Variants in NUBPL observed in about 807,000 individuals in gnomAD.
The protein encoded by NUBPL is iron-sulfur cluster transfer protein NUBPL.
In NUBPL, 31 loss-of-function variants were observed where a neutral mutation model predicts 45.7. The observed-to-expected ratio is 0.68, with a 90% CI of 0.51 to 0.92. NUBPL has a LOEUF of 0.92. Among genes scored for constraint, NUBPL ranks in the 40% least tolerant of loss-of-function variants. NUBPL has a pLI of 0.00. For synonymous variants in NUBPL, 144 were observed against 140.9 expected (o/e 1.02, Z -0.15); for missense variants, 401 against 398.7 (o/e 1.01, Z -0.05).
intron 4 of NUBPL, among the ~76,000 whole-genome samples, chr14:31,620,099 G>A (rs897060690): frequency 6.6e-6 from 1 of 151,776 alleles, no homozygotes; most frequent in African/African-American, 2.4e-5. Context: ...GTATATGCTT[G>A]ATGAAGTTCT....
intron 6 of NUBPL, among the ~76,000 whole-genome samples, chr14:31,707,937 A>G (rs1410081607): frequency 1.3e-5 from 2 of 152,238 alleles, no homozygotes; most frequent in African/African-American, 4.8e-5. Flanking sequence ...TTGGGGCAAG[A>G]CTGTCCACAT....
At chr14:31,762,414 A>C (rs552459161) in intron 6 of NUBPL, among the ~76,000 whole-genome samples, 31 of 152,324 alleles carry the variant, frequency 2.0e-4, no homozygotes, top group African/African-American at 7.5e-4. Context: ...GCTTTACTTC[A>C]CTTTGATGGT....
intron 8 of NUBPL, among the ~76,000 whole-genome samples, chr14:31,842,147 T>A (rs2040386710): frequency 6.6e-6 from 1 of 151,676 alleles, no homozygotes; most frequent in Non-Finnish European, 1.5e-5. Flanking sequence ...GCCAGGATGG[T>A]CTTGATCTGA....
intron 7 of NUBPL, among the ~76,000 whole-genome samples, chr14:31,814,675 A>ACACC (rs1443468209): frequency 1.3e-5 from 2 of 152,122 alleles, no homozygotes; most frequent in East Asian, 3.9e-4. Context: ...TTTAGGTCTT[A>ACACC]CACTTAAACC....
chr14:31,771,493 G>A (rs550996590), intron 6 of NUBPL, among the ~76,000 whole-genome samples: 2 of 152,284 alleles, frequency 1.3e-5, no homozygotes, highest in East Asian at 3.9e-4. Context: ...ATGAGGATGT[G>A]TTAGCAGAAC....
intron 3 of NUBPL, among the ~76,000 whole-genome samples, chr14:31,574,562 G>A: frequency 6.7e-6 from 1 of 149,066 alleles, no homozygotes; most frequent in East Asian, 2.0e-4. Flanking sequence ...ACTGCGCCTG[G>A]CCTACTCGAT....
At chr14:31,689,921 C>G (rs1026107361) in intron 6 of NUBPL, among the ~76,000 whole-genome samples, 18 of 64,796 alleles carry the variant, frequency 2.8e-4, no homozygotes, top group African/African-American at 1.1e-3. Context: ...ATAGGGAGTC[C>G]TTTCCCCATT....
chr14:31,690,921 A>G (rs867527665), intron 6 of NUBPL, among the ~76,000 whole-genome samples: 16 of 152,226 alleles, frequency 1.1e-4, no homozygotes, highest in African/African-American at 3.9e-4. Context: ...AAACAAATTG[A>G]CATTAGACAA....
chr14:31,723,139 C>G (rs1325158841), intron 6 of NUBPL, among the ~76,000 whole-genome samples: 1 of 152,094 alleles, frequency 6.6e-6, no homozygotes, highest in Non-Finnish European at 1.5e-5. Context: ...AGGAAGGGGT[C>G]CAGTGTGAAT....
intron 6 of NUBPL, among the ~76,000 whole-genome samples, chr14:31,729,288 C>CG (rs1566527571): frequency 7.5e-6 from 1 of 132,696 alleles, no homozygotes; most frequent in Non-Finnish European, 1.6e-5. Context: ...CCCCCCCCCC[C>CG]AAAAAAAAAG....
At chr14:31,609,708 A>G (rs189141681) in intron 4 of NUBPL, among the ~76,000 whole-genome samples, 3 of 152,362 alleles carry the variant, frequency 2.0e-5, no homozygotes, top group Admixed American at 2.0e-4. Context: ...AAAAATGGAA[A>G]TAATATCAAG....
intron 6 of NUBPL, among the ~76,000 whole-genome samples, chr14:31,734,405 A>G (rs927143210): frequency 6.6e-6 from 1 of 152,226 alleles, no homozygotes; most frequent in Admixed American, 6.5e-5. Context: ...AATCTAACAT[A>G]GAGAACAATC....
At chr14:31,605,893 C>CCTCCCTTCTCCTTCCTTCTCTCCTT (rs1187132425) in intron 4 of NUBPL, among the ~76,000 whole-genome samples, 1 of 147,426 alleles carries the variant, frequency 6.8e-6, no homozygotes, top group African/African-American at 2.5e-5. Context: ...CTCCTTGTCT[C>CCTCCCTTCTCCTTCCTTCTCTCCTT]CTCCCTTCTC....
intron 6 of NUBPL, among the ~76,000 whole-genome samples, chr14:31,743,743 T>C (rs942386965): frequency 3.7e-4 from 56 of 152,144 alleles, no homozygotes; most frequent in African/African-American, 1.2e-3. Context: ...AGGCATTCTT[T>C]TGCATGCATC....
chr14:31,639,733 C>T (rs1306492382), intron 4 of NUBPL, among the ~76,000 whole-genome samples: 1 of 152,194 alleles, frequency 6.6e-6, no homozygotes, highest in Non-Finnish European at 1.5e-5. Context: ...TGGTGGGCTC[C>T]ACCCAGTTCG....
chr14:31,662,253 TA>T (rs1200126752), intron 4 of NUBPL: 1 of 139,446 alleles, frequency 7.2e-6, no homozygotes, highest in East Asian at 1.9e-4. Context: ...AAATATGCAT[TA>T]AAATTATTAA....
At chr14:31,647,951 G>A (rs1196739044) in intron 4 of NUBPL, among the ~76,000 whole-genome samples, 1 of 152,174 alleles carries the variant, frequency 6.6e-6, no homozygotes, top group Non-Finnish European at 1.5e-5. Context: ...GGTTGTACAT[G>A]TAGCCATCCA....
chr14:31,783,578 C>T (rs949723075), intron 6 of NUBPL, among the ~76,000 whole-genome samples: 3 of 144,760 alleles, frequency 2.1e-5, no homozygotes, highest in Non-Finnish European at 3.0e-5. Flanking sequence ...AATGCAGTGG[C>T]GCAGCCTTGG....
chr14:31,850,073 A>G (rs780743836), intron 9 of NUBPL, 46 bp from the exon 10 acceptor site: 4 of 1,407,786 alleles, frequency 2.8e-6, no homozygotes, highest in African/African-American at 1.4e-5. Context: ...CAAAATGCCT[A>G]TATGAACTTT....
Sources: allele counts gnomAD v4.1 joint callset (sites outside exome capture counted in the v4.1 genomes callset), GRCh38; gene constraint gnomAD v4.1.1; transcripts MANE v1.5; gene names NCBI Gene and HGNC (gene_info 2026-07-23, HGNC 2026-07-21).